The following GRIK1 variants were observed in gnomAD, a reference collection of about 807,000 sequenced individuals.
GRIK1 encodes the protein glutamate receptor ionotropic, kainate 1.
Under a neutral mutation model 105.7 loss-of-function variants are expected in GRIK1, and 69 were observed. The ratio of observed to expected loss-of-function variants is 0.65; its 90% CI spans 0.54 to 0.80. GRIK1 has a LOEUF of 0.80. GRIK1 is among the 30% of genes least tolerant of loss of function. The pLI, the probability that GRIK1 is intolerant of heterozygous loss-of-function variation, is 0.00. For missense variants in GRIK1, 1,109 were observed against 1,167.3 expected, an observed-to-expected ratio of 0.95 and a Z score of 0.73; for synonymous variants, 438 against 431.3, an observed-to-expected ratio of 1.02 and a Z score of -0.19.
chr21:29,859,844 C>G (rs1321695743), intron 1 of GRIK1, among the ~76,000 whole-genome samples: 1 of 152,180 alleles, frequency 6.6e-6, no homozygotes, highest in Non-Finnish European at 1.5e-5. Flanking sequence ...AGAGCCCAGG[C>G]AGGTATTGTA....
intron 7 of GRIK1, among the ~76,000 whole-genome samples, chr21:29,601,802 T>C (rs922987064): frequency 3.9e-5 from 6 of 152,258 alleles, no homozygotes; most frequent in Admixed American, 2.6e-4. Context: ...ATATCCTCAA[T>C]TGGATTGGAA....
intron 1 of GRIK1, among the ~76,000 whole-genome samples, chr21:29,911,996 A>T (rs1397126163): frequency 1.3e-5 from 2 of 152,088 alleles, no homozygotes; most frequent in African/African-American, 2.4e-5. Context: ...AGTATTTAGA[A>T]TTAAAGGGGT....
intron 7 of GRIK1, among the ~76,000 whole-genome samples, chr21:29,635,126 G>A (rs1244468635): frequency 6.6e-6 from 1 of 152,168 alleles, no homozygotes; most frequent in Non-Finnish European, 1.5e-5. Flanking sequence ...GTGTACTGAG[G>A]GGATGAGGTC....
intron 7 of GRIK1, among the ~76,000 whole-genome samples, chr21:29,620,525 C>T (rs891506504): frequency 2.0e-5 from 3 of 151,994 alleles, no homozygotes; most frequent in Admixed American, 1.3e-4. Flanking sequence ...CAAAGCACTT[C>T]GTTAGACTTG....
intron 1 of GRIK1, among the ~76,000 whole-genome samples, chr21:29,919,704 C>A (rs1468548062): frequency 2.6e-5 from 4 of 152,080 alleles, no homozygotes; most frequent in Non-Finnish European, 5.9e-5. Flanking sequence ...CCATTTGATT[C>A]ATTATTAAAA....
chr21:29,811,164 G>C (rs1266589958), intron 1 of GRIK1, among the ~76,000 whole-genome samples: 1 of 152,110 alleles, frequency 6.6e-6, no homozygotes, highest in East Asian at 1.9e-4. Context: ...GGTGAAATTA[G>C]ATTCTTTGGA....
At chr21:29,896,189 A>G (rs987073863) in intron 1 of GRIK1, among the ~76,000 whole-genome samples, 7 of 152,224 alleles carry the variant, frequency 4.6e-5, no homozygotes, top group Non-Finnish European at 1.0e-4. Context: ...GGGAAGTTGT[A>G]TCAGTGAGGC....
chr21:29,887,498 G>A (rs543262357), intron 1 of GRIK1, among the ~76,000 whole-genome samples: 1 of 152,270 alleles, frequency 6.6e-6, no homozygotes, highest in East Asian at 1.9e-4. Context: ...GAGCAATCAT[G>A]TTAGCACACC....
intron 1 of GRIK1, among the ~76,000 whole-genome samples, chr21:29,837,677 T>C (rs971059887): frequency 6.6e-6 from 1 of 152,176 alleles, no homozygotes; most frequent in Admixed American, 6.5e-5. Flanking sequence ...ATATGAAGAA[T>C]AAACCAGAAG....
At chr21:29,769,064 C>T (rs914586280) in intron 1 of GRIK1, among the ~76,000 whole-genome samples, 2 of 152,100 alleles carry the variant, frequency 1.3e-5, no homozygotes, top group African/African-American at 2.4e-5. Flanking sequence ...TGCTAGATTA[C>T]TAAGCACCAT....
intron 13 of GRIK1, 63 bp downstream of exon 13, chr21:29,581,362 C>A: frequency 1.1e-6 from 1 of 936,770 alleles, no homozygotes; most frequent in South Asian, 1.3e-5. Context: ...GTGGAGTTTA[C>A]CAGCATGAAA....
intron 1 of GRIK1, among the ~76,000 whole-genome samples, chr21:29,906,264 T>A (rs2070635564): frequency 6.6e-6 from 1 of 152,210 alleles, no homozygotes; most frequent in Non-Finnish European, 1.5e-5. Context: ...TGAAATGTAA[T>A]CCTCACATGG....
intron 1 of GRIK1, among the ~76,000 whole-genome samples, chr21:29,795,027 A>ATT (rs1569102231): frequency 0.15 from 12,106 of 81,342 alleles, 1,880 homozygotes; most frequent in Non-Finnish European, 0.18. Context: ...CTTTGCTCTA[A>ATT]ATTTTTTTTT....
chr21:29,897,008 T>A (rs148231868), intron 1 of GRIK1, among the ~76,000 whole-genome samples: 62 of 152,250 alleles, frequency 4.1e-4, no homozygotes, highest in South Asian at 8.3e-4. Flanking sequence ...CCCCTTAACC[T>A]AAAAAACTCA....
intron 7 of GRIK1, among the ~76,000 whole-genome samples, chr21:29,633,492 G>T (rs1271567587): frequency 2.0e-5 from 3 of 151,748 alleles, no homozygotes. Flanking sequence ...GTGAGACTCT[G>T]TCTCTAAAAT....
chr21:29,750,499 C>T (rs969641175), intron 1 of GRIK1, among the ~76,000 whole-genome samples: 2 of 152,118 alleles, frequency 1.3e-5, no homozygotes, highest in Admixed American at 6.6e-5. Context: ...CTCAGAATCA[C>T]GCTGACATTT....
intron 11 of GRIK1, 49 bp downstream of exon 11, chr21:29,588,790 A>T (rs1198108859): frequency 1.1e-5 from 11 of 987,700 alleles, no homozygotes; most frequent in Middle Eastern, 4.2e-4. Context: ...TTCCTCTCTT[A>T]CTTTCTCTTA....
intron 7 of GRIK1, among the ~76,000 whole-genome samples, chr21:29,608,958 G>C (rs2061674793): frequency 1.3e-5 from 2 of 151,924 alleles, no homozygotes; most frequent in Admixed American, 6.6e-5. Context: ...CTAGTTATAA[G>C]ACAAGTAGGA....
intron 1 of GRIK1, among the ~76,000 whole-genome samples, chr21:29,805,006 CTTTG>C (rs559696916): frequency 1.4e-4 from 22 of 152,074 alleles, no homozygotes; most frequent in Non-Finnish European, 2.8e-4. Flanking sequence ...GAGTGGACAA[CTTTG>C]TTTGCCTAAC....
Sources: allele counts gnomAD v4.1 joint callset (sites outside exome capture counted in the v4.1 genomes callset), GRCh38; gene constraint gnomAD v4.1.1; transcripts MANE v1.5; gene names NCBI Gene and HGNC (gene_info 2026-07-23, HGNC 2026-07-21).